The following MTDH variants were observed in gnomAD, a reference collection of about 807,000 sequenced individuals.
MTDH encodes protein LYRIC.
A neutral mutation model predicts 72.7 loss-of-function variants in MTDH; 34 were observed. That is an observed-to-expected ratio of 0.47 (90% confidence interval 0.36 to 0.62). MTDH has a LOEUF of 0.62. MTDH is among the 20% of genes least tolerant of loss of function. The probability of loss-of-function intolerance (pLI) is 0.00; values close to 1 mark genes in which losing one functional copy is unlikely to be tolerated. For missense variants in MTDH, 677 were observed against 699.4 expected, an observed-to-expected ratio of 0.97 and a Z score of 0.36; for synonymous variants, 266 against 268.9, an observed-to-expected ratio of 0.99 and a Z score of 0.10.
rs759938038 is a variant in MTDH at position 97,683,864 on chromosome 8, C to T, written c.484-2804C>T. 5.9e-5 allele frequency among the ~76,000 whole-genome samples: 9 copies of T among 152,218 alleles called. No individual in the cohort carries two copies. The South Asian group carries it at 1.4e-3, about 25-fold the overall frequency. On this transcript the variant is annotated intron_variant, in intron 2 of 11. Transcript: ENST00000336273. ...GCTGTGGTCACGCCTGTAATCCCAG[C>T]ATTTTGGGAGGCCGAGGCGGGTGGA...
At chr8:97,651,996 C>T (rs1653940617) in intron 1 of MTDH, among the ~76,000 whole-genome samples, 1 of 152,102 alleles carries the variant, frequency 6.6e-6, no homozygotes, top group East Asian at 1.9e-4. Flanking sequence ...ATATCTAACC[C>T]ATCAGCAAAG....
Position 97,727,156 on chromosome 8 carries a change from T to G in MTDH, c.*2486T>G, listed in dbSNP as rs948712171. On this transcript the variant is annotated 3_prime_UTR_variant, in exon 12 of 12. Coordinates refer to ENST00000336273, the MANE Select transcript of MTDH (RefSeq NM_178812.4). ...TCACATGCATGAGGTGCAAACTCTG[T>G]CACAAAGTATTTTAATTACCTTTTA... The G allele has an allele frequency of 2.0e-5, 3 of 152,058 alleles. No individual in the cohort carries two copies. The highest frequency in any genetic ancestry group is 4.4e-5 in the Non-Finnish European group (3 of 68,020). 9.4% of individuals were successfully genotyped at this position (152,058 alleles called of 1,614,324 possible).
intron 6 of MTDH, among the ~76,000 whole-genome samples, chr8:97,693,579 G>T (rs764332886): frequency 2.0e-5 from 3 of 152,050 alleles, no homozygotes; most frequent in Non-Finnish European, 4.4e-5. Context: ...ACCTACCTTG[G>T]CCTCCCAAAG....
In MTDH at chr8:97,644,285, GT is replaced by G. The variant is rs1811466380; in HGVS notation, c.-221del. ...GGAGACACTCCCTCCCGCCTCCCGGGTCTCCTGGCGGCGGCGGAGTGAGGCT... is the reference window on the plus strand; with the variant it reads ...GGAGACACTCCCTCCCGCCTCCCGGGCTCCTGGCGGCGGCGGAGTGAGGCT... On this transcript the variant is annotated 5_prime_UTR_variant, in exon 1 of 12. Transcript: ENST00000336273. 1.8e-6 allele frequency: 1 copy of G among 565,754 alleles called. No individual in the cohort carries two copies. Among genetic ancestry groups the G allele is most frequent in the Non-Finnish European group, 3.0e-6 (1 of 338,090 alleles). 35.0% of individuals were successfully genotyped at this position (565,754 alleles called of 1,614,324 possible). A position where few individuals can be genotyped will look rare whatever the true frequency, so the allele number is the denominator to read the frequency against.
intron 1 of MTDH, among the ~76,000 whole-genome samples, chr8:97,650,397 C>G (rs1000411953): frequency 2.0e-5 from 3 of 151,960 alleles, no homozygotes; most frequent in Non-Finnish European, 2.9e-5. Context: ...ACCTCAGCCT[C>G]CTGAGTAGCT....
chr8:97,649,339 A>G (rs1254744285), intron 1 of MTDH, among the ~76,000 whole-genome samples: 1 of 152,008 alleles, frequency 6.6e-6, no homozygotes, highest in Non-Finnish European at 1.5e-5. Flanking sequence ...TCCTGCTTCC[A>G]GTTTCTTTTT....
At chr8:97,661,202 G>A (rs890695227) in intron 2 of MTDH, 29 bp downstream of exon 2, 6 of 1,469,264 alleles carry the variant, frequency 4.1e-6, no homozygotes, top group African/African-American at 1.4e-5. Flanking sequence ...GAAATTGTAT[G>A]CAAGACTCTT....
intron 11 of MTDH, among the ~76,000 whole-genome samples, chr8:97,724,118 A>AATCT (rs1241630620): frequency 6.6e-6 from 1 of 152,176 alleles, no homozygotes; most frequent in Non-Finnish European, 1.5e-5. Flanking sequence ...ATAAATGATC[A>AATCT]ATCTATCTAT....
intron 6 of MTDH, among the ~76,000 whole-genome samples, chr8:97,691,703 T>TTGTGTG (rs139784203): frequency 6.7e-6 from 1 of 149,616 alleles, no homozygotes; most frequent in Non-Finnish European, 1.5e-5. Flanking sequence ...GTGTGTGTGT[T>TTGTGTG]TGTGTGTGTG....
In MTDH at chr8:97,725,399, C is replaced by A. The variant is rs1460163129; in HGVS notation, c.*729C>A. On this transcript the variant is annotated 3_prime_UTR_variant, in exon 12 of 12. Coordinates refer to ENST00000336273, the MANE Select transcript of MTDH (RefSeq NM_178812.4). Reference sequence around the variant, plus strand: ...ATGTATTTGTTTTATACATTTAAGGCTTAGACTCATAAATAATGCTATTGT... The same window carrying A: ...ATGTATTTGTTTTATACATTTAAGGATTAGACTCATAAATAATGCTATTGT... 6.6e-6 allele frequency: 1 copy of A among 152,470 alleles called. No homozygotes were observed. The highest frequency in any genetic ancestry group is 1.5e-5 in the Non-Finnish European group (1 of 67,996). 9.4% of individuals were successfully genotyped at this position (152,470 alleles called of 1,614,324 possible).
intron 6 of MTDH, among the ~76,000 whole-genome samples, chr8:97,691,869 G>GT (rs148876283): frequency 1.3e-5 from 2 of 151,702 alleles, no homozygotes; most frequent in Non-Finnish European, 2.9e-5. Context: ...GTTTTTTGTT[G>GT]TTTTTTGTTT....
At position 97,661,786 on chromosome 8, in the gene MTDH, T is replaced by C. The variant is rs144124128; in HGVS notation, c.483+613T>C. On this transcript the variant is annotated intron_variant, in intron 2 of 11. Transcript: ENST00000336273. ...GGCGAAATTTTGTCATTACAAAAAA[T>C]ACCAAAATTAGCCAGGTGTGGTGGT... 3.3e-4 allele frequency among the ~76,000 whole-genome samples: 50 copies of C among 151,996 alleles called. No individual in the cohort carries two copies. In the East Asian group the frequency reaches 5.2e-3, roughly 16 times the overall value.
At chr8:97,691,703 T>TTGTGTGTG (rs139784203) in intron 6 of MTDH, among the ~76,000 whole-genome samples, 1 of 149,616 alleles carries the variant, frequency 6.7e-6, no homozygotes, top group African/African-American at 2.5e-5. Context: ...GTGTGTGTGT[T>TTGTGTGTG]TGTGTGTGTG....
intron 2 of MTDH, among the ~76,000 whole-genome samples, chr8:97,666,724 G>T (rs1812405026): frequency 6.6e-6 from 1 of 152,182 alleles, no homozygotes; most frequent in Non-Finnish European, 1.5e-5. Context: ...TTTTGAGACA[G>T]TCTCACTCTG....
intron 6 of MTDH, among the ~76,000 whole-genome samples, chr8:97,696,991 G>A (rs1813860051): frequency 6.7e-6 from 1 of 150,318 alleles, no homozygotes; most frequent in Non-Finnish European, 1.5e-5. Flanking sequence ...TTTGCCTGTG[G>A]TCCCAGCTAC....
intron 2 of MTDH, among the ~76,000 whole-genome samples, chr8:97,661,709 G>A (rs1239578596): frequency 6.6e-6 from 1 of 152,094 alleles, no homozygotes; most frequent in Non-Finnish European, 1.5e-5. Flanking sequence ...TTGGTAGGCC[G>A]AAGTGGGTAG....
At chr8:97,660,262 T>C (rs531456438) in intron 1 of MTDH, among the ~76,000 whole-genome samples, 1 of 152,356 alleles carries the variant, frequency 6.6e-6, no homozygotes, top group East Asian at 1.9e-4. Flanking sequence ...CATCATTTTA[T>C]TTTAGGAATG....
Position 97,644,799 on chromosome 8 carries a change from C to A in MTDH, c.293C>A (p.Ala98Glu). ...GAGGAGGCGGCGGCCGTGCCGGCCG[C>A]GGCCCCCGACGACCTGGCCTTGCTG... The part of the protein sequence containing the change: ...KREEAAAVPA[A>E]APDDLALLKN... The change falls in exon 1 of 12, where the codon GCG (alanine) becomes GAG (glutamate). Residue 98 changes from alanine to glutamate, a missense_variant. Physicochemically the swap from Ala to Glu is moderately radical, Grantham distance 107. This residue lies in a region of MTDH where 467 missense variants were observed against 469.1 expected (regional missense o/e 1.00). Coordinates refer to ENST00000336273, the MANE Select transcript of MTDH (RefSeq NM_178812.4). 6.4e-7 allele frequency: 1 copy of A among 1,553,258 alleles called. No homozygotes were observed. Among genetic ancestry groups the A allele is most frequent in the Non-Finnish European group, 8.6e-7 (1 of 1,159,510 alleles).
chr8:97,687,497 G>A lies in MTDH; in HGVS notation c.637G>A (p.Asp213Asn), dbSNP rs139649151. The A allele has an allele frequency of 1.2e-6, 2 of 1,613,478 alleles. No individual in the cohort carries two copies. Among genetic ancestry groups the A allele is most frequent in the African/African-American group, 1.3e-5 (1 of 74,892 alleles). Residue 213 changes from aspartate (D) to asparagine (N), a missense_variant, in exon 4 of 12, where the codon GAT becomes AAT. Asp to Asn is a conservative substitution (Grantham distance 23, BLOSUM62 1). Coordinates refer to ENST00000336273, the MANE Select transcript of MTDH (RefSeq NM_178812.4). Reference protein sequence around the residue: ...QQRKRDKVLTDSGSLDSTIPG... With the variant: ...QQRKRDKVLTNSGSLDSTIPG... ...GCGTAAACGTGATAAGGTGCTGACTGATTCTGGTTCATTGGATTCAACTAT... is the reference window on the plus strand; with the variant it reads ...GCGTAAACGTGATAAGGTGCTGACTAATTCTGGTTCATTGGATTCAACTAT...
Sources: allele counts gnomAD v4.1 joint callset (sites outside exome capture counted in the v4.1 genomes callset), GRCh38; gene constraint gnomAD v4.1.1; regional missense constraint gnomAD v4.1.1; transcripts MANE v1.5; gene names NCBI Gene and HGNC (gene_info 2026-07-23, HGNC 2026-07-21).